Variants in CCNY observed in about 807,000 individuals in gnomAD.
CCNY encodes cyclin Y.
A neutral mutation model predicts 42.8 loss-of-function variants in CCNY; 19 were observed. The ratio of observed to expected loss-of-function variants is 0.44; its 90% confidence interval spans 0.31 to 0.65. CCNY has a LOEUF of 0.65. Ranked by LOEUF, CCNY falls within the 30% of genes least tolerant of loss-of-function variation. The pLI is 0.07. For missense variants in CCNY, 370 were observed against 437.3 expected, an observed-to-expected ratio of 0.85 and a Z score of 1.37; for synonymous variants, 165 against 162.7, an observed-to-expected ratio of 1.01 and a Z score of -0.11.
intron 1 of CCNY, among the ~76,000 whole-genome samples, chr10:35,346,196 T>C (rs571393347): frequency 2.0e-5 from 3 of 152,328 alleles, no homozygotes; most frequent in South Asian, 2.1e-4. Flanking sequence ...TTAGGGGCTG[T>C]TGTTCTCATT....
chr10:35,443,911 A>G lies in CCNY; in HGVS notation c.155-39493A>G, dbSNP rs529196517. Among the ~76,000 whole-genome samples the G allele has an allele frequency of 3.6e-4, 55 of 152,348 alleles. 1 individual carries two copies. In the South Asian group the frequency reaches 9.7e-3, roughly 27 times the overall value. On this transcript the variant is annotated intron_variant, in intron 1 of 9. Transcript: ENST00000374704. ...TTCTAAGTTGCTAGCCAATCAGGAC[A>G]AGTACAGAATGTGAGGTCCCATTCC...
intron 7 of CCNY, among the ~76,000 whole-genome samples, chr10:35,532,725 C>A (rs1840794435): frequency 6.6e-6 from 1 of 152,208 alleles, no homozygotes; most frequent in Non-Finnish European, 1.5e-5. Context: ...GGCAGAAAGG[C>A]CTTGGCATCC....
chr10:35,369,644 T>G (rs1836885649), intron 1 of CCNY, among the ~76,000 whole-genome samples: 1 of 152,220 alleles, frequency 6.6e-6, no homozygotes, highest in South Asian at 2.1e-4. Context: ...TTTATTAGTG[T>G]GCTGAGCCGG....
rs145595604 is a variant in CCNY at position 35,448,281 on chromosome 10, G to A, written c.155-35123G>A. On this transcript the variant is annotated intron_variant, in intron 1 of 9. Transcript: ENST00000374704. ...AGGGCAGTCACGAACAAAGCAGACC[G>A]GAGAGAAAACAAAGCAGGAAGTTAA... Among the ~76,000 whole-genome samples, 637 of 152,216 alleles carry A rather than the reference G, an allele frequency of 4.2e-3. 6 individuals carry two copies. The highest frequency in any genetic ancestry group is 0.015 in the African/African-American group (609 of 41,512).
chr10:35,515,187 G>A (rs948450850), intron 3 of CCNY, among the ~76,000 whole-genome samples: 5 of 152,176 alleles, frequency 3.3e-5, no homozygotes, highest in African/African-American at 1.2e-4. Context: ...AGAACCCTGG[G>A]GAGAGGCCTC....
intron 1 of CCNY, among the ~76,000 whole-genome samples, chr10:35,340,751 G>A (rs1435218344): frequency 6.6e-6 from 1 of 152,036 alleles, no homozygotes; most frequent in Non-Finnish European, 1.5e-5. Flanking sequence ...TGATCTGCCC[G>A]CCTCAGTCTC....
chr10:35,407,032 C>T (rs1203625739), intron 1 of CCNY, among the ~76,000 whole-genome samples: 1 of 152,230 alleles, frequency 6.6e-6, no homozygotes, highest in Non-Finnish European at 1.5e-5. Context: ...TGTTGTCAAA[C>T]AGGCCTTGAA....
intron 1 of CCNY, among the ~76,000 whole-genome samples, chr10:35,459,943 G>GA (rs1395710384): frequency 6.6e-6 from 1 of 151,898 alleles, no homozygotes; most frequent in African/African-American, 2.4e-5. Context: ...AAAAGGAAGG[G>GA]AAAAAAAGGA....
intron 3 of CCNY, among the ~76,000 whole-genome samples, chr10:35,265,092 C>G (rs12254167): frequency 0.35 from 53,089 of 152,018 alleles, 9,928 homozygotes; most frequent in African/African-American, 0.5. Context: ...TCATTTTGCT[C>G]TGCACTCTTA....
intron 1 of CCNY, among the ~76,000 whole-genome samples, chr10:35,443,014 G>A (rs545206627): frequency 6.6e-6 from 1 of 152,292 alleles, no homozygotes; most frequent in East Asian, 1.9e-4. Flanking sequence ...TTAAGAACTT[G>A]TATATCTAAA....
chr10:35,263,183 C>T (rs2095721572), intron 3 of CCNY, among the ~76,000 whole-genome samples: 1 of 151,710 alleles, frequency 6.6e-6, no homozygotes, highest in Non-Finnish European at 1.5e-5. Context: ...GGTGAAACCC[C>T]GTCTCTATTA....
intron 1 of CCNY, among the ~76,000 whole-genome samples, chr10:35,447,202 G>A (rs917215576): frequency 7.9e-5 from 12 of 152,196 alleles, no homozygotes; most frequent in Admixed American, 3.9e-4. Context: ...GCGTGAACCC[G>A]GGAGGCGGAG....
intron 7 of CCNY, among the ~76,000 whole-genome samples, chr10:35,539,357 G>A (rs1424890442): frequency 6.6e-6 from 1 of 152,172 alleles, no homozygotes; most frequent in Non-Finnish European, 1.5e-5. Context: ...AGTTTGGGAA[G>A]TATTGCAGTC....
At chr10:35,391,142 G>T (rs189368647) in intron 1 of CCNY, among the ~76,000 whole-genome samples, 5 of 152,324 alleles carry the variant, frequency 3.3e-5, no homozygotes, top group African/African-American at 9.6e-5. Flanking sequence ...TGCAGAAAGG[G>T]TGCTCATTGC....
chr10:35,278,758 T>G (rs1218776370), intron 3 of CCNY, among the ~76,000 whole-genome samples: 1 of 152,166 alleles, frequency 6.6e-6, no homozygotes, highest in Non-Finnish European at 1.5e-5. Context: ...GCAAGGCAGT[T>G]CTCTGTGGTT....
intron 3 of CCNY, among the ~76,000 whole-genome samples, chr10:35,285,506 C>G (rs1033133526): frequency 6.6e-6 from 1 of 152,180 alleles, no homozygotes; most frequent in African/African-American, 2.4e-5. Context: ...CTCACTGCAG[C>G]CTTGACTTCC....
At chr10:35,420,979 G>A (rs1156850590) in intron 1 of CCNY, among the ~76,000 whole-genome samples, 5 of 152,240 alleles carry the variant, frequency 3.3e-5, no homozygotes, top group African/African-American at 1.2e-4. Context: ...TCATGGCCAA[G>A]TGTAAATTTG....
At chr10:35,526,715 A>G (rs1840660499) in intron 5 of CCNY, among the ~76,000 whole-genome samples, 1 of 149,880 alleles carries the variant, frequency 6.7e-6, no homozygotes, top group Non-Finnish European at 1.5e-5. Flanking sequence ...GAAGACATTT[A>G]CATAACAGAT....
chr10:35,275,056 C>CTTTTTT lies in CCNY; in HGVS notation c.-9+24450_-9+24455dup, dbSNP rs34467762. Among the ~76,000 whole-genome samples the CTTTTTT allele has an allele frequency of 2.4e-3, 155 of 64,898 alleles. 2 individuals are homozygous for CTTTTTT. The highest frequency in any genetic ancestry group is 2.8e-3 in the African/African-American group (40 of 14,306). 42.6% of individuals were successfully genotyped at this position (64,898 alleles called of 152,430 possible). On this transcript the variant is annotated intron_variant, in intron 3 of 11. Transcript: ENST00000374706. ...TATTGTTTTTGATTCACCGTCATTC[C>CTTTTTT]TTTTTTTTTTTTTTTTTTTTTTTTT... is the stretch of plus-strand genomic sequence containing the variant.
Sources: gnomAD v4.1 joint callset for allele counts (sites outside exome capture counted in the v4.1 genomes callset) on GRCh38, gnomAD v4.1.1 for gene constraint, MANE v1.5 for transcripts, NCBI Gene and HGNC (gene_info 2026-07-23, HGNC 2026-07-21) for gene names.